The following PIAS3 variants were observed in gnomAD, a reference collection of about 807,000 sequenced individuals.
The protein encoded by PIAS3 is protein inhibitor of activated STAT 3.
Under a neutral mutation model 67.6 loss-of-function variants are expected in PIAS3, and 34 were observed. The ratio of observed to expected loss-of-function variants is 0.50; its 90% CI spans 0.38 to 0.67. The LOEUF (loss-of-function observed/expected upper bound fraction) is 0.67. Among genes scored for constraint, PIAS3 ranks in the 30% least tolerant of loss-of-function variants. The probability of loss-of-function intolerance (pLI) is 0.00; values close to 1 mark genes in which losing one functional copy is unlikely to be tolerated. For missense variants in PIAS3, 693 were observed against 791.6 expected (o/e 0.88, Z 1.49); for synonymous variants, 341 against 313.8 (o/e 1.09, Z -0.92).
chr1:145,850,152 A>G (rs1570771064), intron 13 of PIAS3, 80 bp downstream of exon 13: 7 of 1,606,600 alleles, frequency 4.4e-6, no homozygotes, highest in South Asian at 3.3e-5. Flanking sequence ...CCCAGAGATC[A>G]TAAGAGAGGG....
intron 1 of PIAS3, among the ~76,000 whole-genome samples, chr1:145,858,155 G>T (rs1553735980): frequency 6.6e-6 from 1 of 152,120 alleles, no homozygotes; most frequent in East Asian, 1.9e-4. Flanking sequence ...ATCTCTAGGA[G>T]ATCCTGTCAT....
In PIAS3 at chr1:145,849,610, G is replaced by C; in HGVS notation, c.1723C>G (p.Pro575Ala). ...TPSHFLGPLA[P>A]TLGSSHCSAT... is the part of the protein sequence containing the mutation. ...CTGCAGTGGGAGCTCCCCAGCGTGGGGGCCAGTGGGCCCAGAAAGTGAGAA... is the reference window on the plus strand; with the variant it reads ...CTGCAGTGGGAGCTCCCCAGCGTGGCGGCCAGTGGGCCCAGAAAGTGAGAA... The change falls in exon 14 of 14, where the codon CCC becomes GCC. Residue 575 changes from proline to alanine, a missense_variant. Coordinates refer to ENST00000393045, the MANE Select transcript of PIAS3 (RefSeq NM_006099.3). 6.2e-7 allele frequency: 1 copy of C among 1,613,494 alleles called. No individual in the cohort carries two copies. Among genetic ancestry groups the C allele is most frequent in the Non-Finnish European group, 8.5e-7 (1 of 1,179,740 alleles).
intron 7 of PIAS3, 57 bp from the exon 8 acceptor site, chr1:145,853,943 A>G (rs1351596168): frequency 6.6e-7 from 1 of 1,512,622 alleles, no homozygotes; most frequent in Non-Finnish European, 9.2e-7. Flanking sequence ...GAAGCCCAGG[A>G]GTTGGTAAGG....
chr1:145,855,367 A>G (rs1653125288), intron 5 of PIAS3, among the ~76,000 whole-genome samples: 1 of 152,120 alleles, frequency 6.6e-6, no homozygotes, highest in African/African-American at 2.4e-5. Flanking sequence ...CTGTAATCCC[A>G]GCTACTTGGG....
Position 145,856,683 on chromosome 1 carries a change from G to A in PIAS3, c.348C>T (p.His116=), listed in dbSNP as rs782375327. 7.3e-5 allele frequency: 117 copies of A among 1,609,810 alleles called. No homozygotes were observed. The highest frequency in any genetic ancestry group is 9.7e-5 in the Non-Finnish European group (114 of 1,177,192). ...LLGPKREVDM[H]PPLPQPVHPD... is the part of the protein sequence containing the mutation. The stretch of plus-strand genomic sequence containing the variant: ...GGTGCACAGGCTGGGGCAGAGGGGG[G>A]TGCATGTCCACCTCACGCTTGGGGC... Residue 116 remains histidine, a synonymous_variant, in exon 2 of 14, where the codon CAC becomes CAT. Coordinates refer to ENST00000393045, the MANE Select transcript of PIAS3 (RefSeq NM_006099.3).
chr1:145,849,373 T>C lies in PIAS3; in HGVS notation c.*73A>G. 7.2e-7 allele frequency: 1 copy of C among 1,398,012 alleles called. No homozygotes were observed. Among genetic ancestry groups the C allele is most frequent in the Non-Finnish European group, 9.3e-7 (1 of 1,073,490 alleles). 86.6% of individuals were successfully genotyped at this position (1,398,012 alleles called of 1,614,324 possible). On this transcript the variant is annotated 3_prime_UTR_variant, in exon 14 of 14. Coordinates refer to ENST00000393045, the MANE Select transcript of PIAS3 (RefSeq NM_006099.3). ...GCCAGAGCCCCCAGAGGGATCAGAG[T>C]AGCTGGGGTTGGGACTCCACAGCAT...
At chr1:145,858,799 G>A (rs1272718600) in intron 1 of PIAS3, among the ~76,000 whole-genome samples, 168 bp downstream of exon 1, 10 of 67,528 alleles carry the variant, frequency 1.5e-4, no homozygotes, top group African/African-American at 5.1e-4. Context: ...CCGGAGCCCC[G>A]CCGCAGCCCC....
At chr1:145,858,834 C>A (rs1474937578) in intron 1 of PIAS3, 133 bp downstream of exon 1, 3 of 721,856 alleles carry the variant, frequency 4.2e-6, no homozygotes, top group Non-Finnish European at 6.2e-6. Context: ...CTACTTCTCT[C>A]CCATCCTCAG....
At chr1:145,854,112 C>T in intron 7 of PIAS3, 2 of 598,942 alleles carry the variant, frequency 3.3e-6, no homozygotes, top group Non-Finnish European at 5.9e-6. Context: ...GACACTCTGG[C>T]TATGTTAGAG....
intron 9 of PIAS3, 49 bp from the exon 10 acceptor site, chr1:145,851,202 A>G (rs782022878): frequency 1.9e-6 from 3 of 1,594,692 alleles, no homozygotes; most frequent in Non-Finnish European, 2.6e-6. Flanking sequence ...GATGAGCAGA[A>G]CAGTAGCCAG....
Position 145,848,544 on chromosome 1 carries a change from G to T in PIAS3, c.*902C>A. On this transcript the variant is annotated 3_prime_UTR_variant, in exon 14 of 14. Transcript: ENST00000393045. ...ACAGAACATTCACAACCTTTATTAT[G>T]GGTGAGAGCTTCACTACAACTTTAG... 1 of 1,080,450 alleles carries T rather than the reference G, an allele frequency of 9.3e-7. No individual in the cohort carries two copies. Among genetic ancestry groups the T allele is most frequent in the South Asian group, 1.4e-5 (1 of 72,940 alleles). The allele number at this position is 1,080,450 out of a possible 1,614,324, so 66.9% of individuals were successfully genotyped here.
In PIAS3 at chr1:145,854,581, GTA is replaced by G; in HGVS notation, c.805-20_805-19del. On this transcript the variant is annotated intron_variant, in intron 6 of 13. Transcript: ENST00000393045. The stretch of plus-strand genomic sequence containing the variant: ...GAGTAATTCTACTTGGAGGCAGGGG[GTA>G]GACAATTAGCCTCTGCTTCTCATAC... The G allele has an allele frequency of 1.3e-6, 2 of 1,585,300 alleles. No homozygotes were observed. Among genetic ancestry groups the G allele is most frequent in the Non-Finnish European group, 1.7e-6 (2 of 1,153,660 alleles).
chr1:145,854,955 T>TGTCTC lies in PIAS3; in HGVS notation c.670-80_670-76dup, dbSNP rs587684604. The TGTCTC allele has an allele frequency of 7.7e-4, 1,178 of 1,539,394 alleles. 12 individuals carry two copies. The African/African-American group carries it at 0.014, about 18-fold the overall frequency. On this transcript the variant is annotated intron_variant, in intron 5 of 13. Transcript: ENST00000393045. ...TCTGCTCTTTGAACAAAAGATATCT[T>TGTCTC]GTCTCGGGTTATTCAATCCCTGGAG... is the stretch of plus-strand genomic sequence containing the variant.
intron 5 of PIAS3, among the ~76,000 whole-genome samples, chr1:145,855,381 C>G (rs1429371965): frequency 1.3e-5 from 2 of 151,874 alleles, no homozygotes; most frequent in African/African-American, 4.8e-5. Flanking sequence ...ACTTGGGAGG[C>G]TGAGGCAAGA....
At chr1:145,850,098 G>C in intron 13 of PIAS3, 134 bp downstream of exon 13, 3 of 1,516,882 alleles carry the variant, frequency 2.0e-6, no homozygotes, top group Non-Finnish European at 2.6e-6. Context: ...GAGATAATAA[G>C]ATACCTACAC....
rs1653097600 is a variant in PIAS3 at position 145,854,812 on chromosome 1, G to A, written c.738C>T (p.Pro246=). 6.2e-7 allele frequency: 1 copy of A among 1,614,206 alleles called. No homozygotes were observed. Among genetic ancestry groups the A allele is most frequent in the Non-Finnish European group, 8.5e-7 (1 of 1,180,018 alleles). The change falls in exon 6 of 14, where the codon CCC becomes CCT. Residue 246 remains proline, a synonymous_variant. Transcript: ENST00000393045. The part of the protein sequence containing the change: ...KRPSRPINIT[P]LARLSATVPN... ...GAACAGTGGCTGAGAGTCGAGCCAG[G>A]GGTGTGATGTTGATGGGGCGGCTGG...
chr1:145,850,051 C>G (rs1652892204), intron 13 of PIAS3, 181 bp downstream of exon 13: 1 of 1,454,788 alleles, frequency 6.9e-7, no homozygotes. Flanking sequence ...GGAAGGAGGC[C>G]TAAGTAGGAA....
At chr1:145,856,238 A>C in intron 3 of PIAS3, 109 bp downstream of exon 3, 2 of 1,250,934 alleles carry the variant, frequency 1.6e-6, no homozygotes, top group Middle Eastern at 1.9e-4. Flanking sequence ...ACAGAAGAAC[A>C]AGAGACAAGT....
rs141436261 is a variant in PIAS3, at chr1:145,852,880, C to T, written c.1145+624G>A. 9.7e-4 allele frequency among the ~76,000 whole-genome samples: 148 copies of T among 152,086 alleles called. 3 individuals are homozygous for T. Among genetic ancestry groups the T allele is most frequent in the African/African-American group, 3.4e-3 (141 of 41,482 alleles). Reference sequence around the variant, plus strand: ...CAGTGTTGGAATTACAGGTAGGAGCCGAGTCCATAGGGTTATTGTGAGGAT... The same window carrying T: ...CAGTGTTGGAATTACAGGTAGGAGCTGAGTCCATAGGGTTATTGTGAGGAT... On this transcript the variant is annotated intron_variant, in intron 9 of 13. Coordinates refer to ENST00000393045, the MANE Select transcript of PIAS3 (RefSeq NM_006099.3).
Sources: allele counts gnomAD v4.1 joint callset (sites outside exome capture counted in the v4.1 genomes callset), GRCh38; gene constraint gnomAD v4.1.1; transcripts MANE v1.5; gene names NCBI Gene and HGNC (gene_info 2026-07-23, HGNC 2026-07-21).